The following KCND3 variants were observed in gnomAD, a reference collection of about 807,000 sequenced individuals.
The protein encoded by KCND3 is A-type voltage-gated potassium channel KCND3.
In KCND3, 9 loss-of-function variants were observed where a neutral mutation model predicts 51.1. The observed-to-expected ratio is 0.18, with a 90% CI of 0.11 to 0.31. The LOEUF is 0.31. Among genes scored for constraint, KCND3 ranks in the 10% least tolerant of loss-of-function variants. The probability of loss-of-function intolerance (pLI) is 1.00; values close to 1 mark genes in which losing one functional copy is unlikely to be tolerated. For missense variants in KCND3, 526 were observed against 903.8 expected, an observed-to-expected ratio of 0.58 and a Z score of 5.36; for synonymous variants, 349 against 368.0, an observed-to-expected ratio of 0.95 and a Z score of 0.59.
intron 2 of KCND3, among the ~76,000 whole-genome samples, chr1:111,846,936 C>T (rs1320809518): frequency 1.3e-5 from 2 of 152,228 alleles, no homozygotes; most frequent in East Asian, 3.8e-4. Flanking sequence ...CTGTGTTCTC[C>T]TACTGGGTCT....
At chr1:111,873,931 T>C (rs1891716) in intron 2 of KCND3, among the ~76,000 whole-genome samples, 98,655 of 151,682 alleles carry the variant, frequency 0.65, 33,409 homozygotes, top group Middle Eastern at 0.79. Flanking sequence ...GGTTTAATTC[T>C]TGGGCTACTA....
In KCND3 at chr1:111,780,749, A is replaced by G; in HGVS notation, c.1312T>C (p.Ser438Pro). The change falls in exon 4 of 8, where the codon TCG becomes CCG. Residue 438 changes from serine to proline, a missense_variant. Physicochemically the swap from Ser to Pro is moderately conservative, Grantham distance 74. Transcript: ENST00000302127. This position sits in a 1 kb window ranked among gnomAD's most constrained non-coding sequence, Gnocchi z 4.2. ...CGCTTGCTGTGCAGGTATGCATTCG[A>G]ACTGCCTGTTTTGGCCACACGGATC... ...ARIRVAKTGS[S>P]NAYLHSKRNG... 1 of 1,613,528 alleles carries G rather than the reference A, an allele frequency of 6.2e-7. No individual in the cohort carries two copies.
intron 2 of KCND3, among the ~76,000 whole-genome samples, chr1:111,902,490 C>A (rs1351899662): frequency 6.6e-6 from 1 of 152,208 alleles, no homozygotes; most frequent in African/African-American, 2.4e-5. Flanking sequence ...TCTAACACCA[C>A]ACTCCTATGT....
chr1:111,906,455 C>T (rs531118658), intron 2 of KCND3, among the ~76,000 whole-genome samples: 44 of 152,292 alleles, frequency 2.9e-4, no homozygotes, highest in Non-Finnish European at 5.3e-4. Flanking sequence ...CCTGCCATTT[C>T]GTGTCAGCAT....
At chr1:111,900,913 C>CT (rs1191211311) in intron 2 of KCND3, among the ~76,000 whole-genome samples, 259 of 152,228 alleles carry the variant, frequency 1.7e-3, no homozygotes, top group African/African-American at 5.9e-3. Context: ...GCCGAGATCA[C>CT]ACCATTGCAC....
At chr1:111,984,541 C>T (rs942031192) in intron 1 of KCND3, among the ~76,000 whole-genome samples, 1 of 152,190 alleles carries the variant, frequency 6.6e-6, no homozygotes, top group Non-Finnish European at 1.5e-5. Flanking sequence ...ACACCCCACC[C>T]GGTTTCTCCT....
intron 2 of KCND3, among the ~76,000 whole-genome samples, chr1:111,949,832 A>G (rs374426573): frequency 6.6e-6 from 1 of 152,276 alleles, no homozygotes; most frequent in African/African-American, 2.4e-5. Flanking sequence ...CTGTGACTCA[A>G]AAAAGAAATA....
At chr1:111,823,438 C>T (rs1666436425) in intron 2 of KCND3, among the ~76,000 whole-genome samples, 1 of 152,132 alleles carries the variant, frequency 6.6e-6, no homozygotes, top group Non-Finnish European at 1.5e-5. Flanking sequence ...GCAGATCAGG[C>T]CTGATGGTTC....
chr1:111,935,873 C>T (rs557156016), intron 2 of KCND3, among the ~76,000 whole-genome samples: 3 of 152,294 alleles, frequency 2.0e-5, no homozygotes, highest in South Asian at 4.1e-4. Context: ...GCACAGAACA[C>T]CCCCAATCCA....
chr1:111,773,746 C>T lies in KCND3; in HGVS notation c.*2331G>A, dbSNP rs1664007425. ...CTATTTACCTCTTTATCTCTTACCC[C>T]AGTCAGATCTTATGAAGCATAACTA... On this transcript the variant is annotated 3_prime_UTR_variant, in exon 8 of 8. Transcript: ENST00000302127. 1.3e-5 allele frequency: 2 copies of T among 152,088 alleles called. No individual in the cohort carries two copies. The highest frequency in any genetic ancestry group is 2.9e-5 in the Non-Finnish European group (2 of 68,032). The allele number at this position is 152,088 out of a possible 1,614,324, so 9.4% of individuals were successfully genotyped here.
At chr1:111,852,819 T>C (rs147313397) in intron 2 of KCND3, among the ~76,000 whole-genome samples, 236 of 152,330 alleles carry the variant, frequency 1.5e-3, no homozygotes, top group African/African-American at 5.3e-3. Flanking sequence ...ATTCATCCGC[T>C]CTCAGGCAGG....
intron 2 of KCND3, among the ~76,000 whole-genome samples, chr1:111,895,864 C>T (rs367744417): frequency 5.3e-5 from 8 of 152,188 alleles, no homozygotes; most frequent in Admixed American, 3.3e-4. Context: ...AAGAGTATGA[C>T]GAGTCCTGTA....
At chr1:111,819,322 A>G (rs183527387) in intron 2 of KCND3, among the ~76,000 whole-genome samples, 2 of 152,228 alleles carry the variant, frequency 1.3e-5, no homozygotes, top group Admixed American at 1.3e-4. Flanking sequence ...TTCCCTCTGA[A>G]GAACCACGGA....
At chr1:111,922,575 G>A (rs1671521812) in intron 2 of KCND3, among the ~76,000 whole-genome samples, 1 of 152,202 alleles carries the variant, frequency 6.6e-6, no homozygotes, top group Non-Finnish European at 1.5e-5. Flanking sequence ...CTCTGTGCCT[G>A]TTTCCTCTCT....
At chr1:111,830,464 G>C (rs1666786298) in intron 2 of KCND3, among the ~76,000 whole-genome samples, 2 of 152,246 alleles carry the variant, frequency 1.3e-5, no homozygotes, top group South Asian at 4.2e-4. Context: ...GCCTGACCAG[G>C]CTAGGACCCA....
intron 2 of KCND3, among the ~76,000 whole-genome samples, chr1:111,943,630 G>A (rs1571882433): frequency 6.6e-6 from 1 of 152,308 alleles, no homozygotes; most frequent in East Asian, 1.9e-4. Flanking sequence ...GCGTGTTGCT[G>A]GGTCATGCCT....
intron 2 of KCND3, among the ~76,000 whole-genome samples, chr1:111,809,707 A>G (rs2101570480): frequency 6.6e-6 from 1 of 152,280 alleles, no homozygotes; most frequent in South Asian, 2.1e-4. Context: ...AAATGCTTGC[A>G]TGCATGCACC....
At chr1:111,779,133 A>G (rs912079756) in intron 5 of KCND3, among the ~76,000 whole-genome samples, 2 of 152,136 alleles carry the variant, frequency 1.3e-5, no homozygotes, top group Non-Finnish European at 2.9e-5. Flanking sequence ...ATTGGGTTCA[A>G]CTGTCATCCA....
chr1:111,933,427 AG>A (rs1314089859), intron 2 of KCND3, among the ~76,000 whole-genome samples: 2 of 152,254 alleles, frequency 1.3e-5, no homozygotes, highest in Non-Finnish European at 2.9e-5. Flanking sequence ...AAAGGAGGTC[AG>A]GGGCAGAGTC....
Sources: gnomAD v4.1 joint callset for allele counts (sites outside exome capture counted in the v4.1 genomes callset) on GRCh38, gnomAD v4.1.1 for gene constraint, Gnocchi (gnomAD v3.1) non-coding constraint, MANE v1.5 for transcripts, NCBI Gene and HGNC (gene_info 2026-07-23, HGNC 2026-07-21) for gene names.